The following COPB2 variants were observed in gnomAD, a reference collection of about 807,000 sequenced individuals.
COPB2 encodes the protein coat protein complex I subunit beta 2, also known as coatomer subunit beta'.
Under a neutral mutation model 120.8 loss-of-function variants are expected in COPB2, and 16 were observed. The ratio of observed to expected loss-of-function variants is 0.13; its 90% confidence interval spans 0.09 to 0.20. The LOEUF (loss-of-function observed/expected upper bound fraction) is 0.20. Ranked by LOEUF, COPB2 falls within the 10% of genes least tolerant of loss-of-function variation. The pLI, the probability that COPB2 is intolerant of heterozygous loss-of-function variation, is 1.00. For missense variants in COPB2, 794 were observed against 1,076.5 expected (o/e 0.74, Z 3.67); for synonymous variants, 332 against 366.3 (o/e 0.91, Z 1.07).
At position 139,389,606 on chromosome 3, in the gene COPB2, G is replaced by C; in HGVS notation, c.-56C>G. The C allele has an allele frequency of 6.6e-7, 1 of 1,519,872 alleles. No homozygotes were observed. The allele number at this position is 1,519,872 out of a possible 1,614,324, so 94.1% of individuals were successfully genotyped here. A position where few individuals can be genotyped will look rare whatever the true frequency, so the allele number is the denominator to read the frequency against. ...GTTTGTTACCGGCTACTCAGGCCTT[G>C]AGATAAACCCACCGATCCACTGACC... On this transcript the variant is annotated 5_prime_UTR_variant, in exon 1 of 22. Coordinates refer to ENST00000333188, the MANE Select transcript of COPB2 (RefSeq NM_004766.3).
At chr3:139,371,313 C>A (rs1372525006) in intron 10 of COPB2, among the ~76,000 whole-genome samples, 3 of 152,140 alleles carry the variant, frequency 2.0e-5, no homozygotes, top group African/African-American at 7.2e-5. Context: ...GATCAAACCA[C>A]AACATCACTC....
At position 139,368,180 on chromosome 3, in the gene COPB2, C is replaced by T; in HGVS notation, c.1510G>A (p.Gly504Arg). 1 of 1,613,748 alleles carries T rather than the reference C, an allele frequency of 6.2e-7. No individual in the cohort carries two copies. The highest frequency in any genetic ancestry group is 8.5e-7 in the Non-Finnish European group (1 of 1,179,838). Residue 504 changes from glycine to arginine, a missense_variant, in exon 13 of 22, where the codon GGA (glycine) becomes AGA (arginine). By Grantham distance (125) the Gly-to-Arg change is moderately radical (BLOSUM62 -2). Coordinates refer to ENST00000333188, the MANE Select transcript of COPB2 (RefSeq NM_004766.3). ...KVLAAQETHE[G>R]VTEDGIEDAF... ...TCTTCAATGCCATCTTCAGTAACTC[C>T]CTCATGTGTTTCCTGTGCAGCCAAG...
At chr3:139,369,194 G>T in intron 12 of COPB2, 67 bp downstream of exon 12, 1 of 1,252,434 alleles carries the variant, frequency 8.0e-7, no homozygotes. Flanking sequence ...ACACTTCTTG[G>T]CCTTAGGGAC....
chr3:139,385,520 T>G (rs1019168767), intron 1 of COPB2: 1 of 152,186 alleles, frequency 6.6e-6, no homozygotes, highest in African/African-American at 2.4e-5. Flanking sequence ...GGTAACATAA[T>G]GTGTGATCAA....
At chr3:139,366,405 G>A (rs1941515748) in intron 15 of COPB2, among the ~76,000 whole-genome samples, 163 bp downstream of exon 15, 2 of 152,132 alleles carry the variant, frequency 1.3e-5, no homozygotes, top group East Asian at 1.9e-4. Flanking sequence ...AGTGTAAGAA[G>A]GGTGTATCAT....
chr3:139,383,674 T>C (rs1473152970), intron 1 of COPB2, among the ~76,000 whole-genome samples: 1 of 152,198 alleles, frequency 6.6e-6, no homozygotes, highest in East Asian at 1.9e-4. Context: ...AGGATTCCTT[T>C]ATAGTCCTTA....
intron 2 of COPB2, chr3:139,380,529 CTTTG>C (rs991250623): frequency 6.6e-6 from 1 of 152,190 alleles, no homozygotes; most frequent in African/African-American, 2.4e-5. Context: ...CATGGTACCT[CTTTG>C]TTCTCCTTCT....
intron 15 of COPB2, among the ~76,000 whole-genome samples, chr3:139,363,325 C>G (rs73866099): frequency 3.9e-5 from 6 of 152,122 alleles, no homozygotes; most frequent in African/African-American, 7.2e-5. Context: ...GCCTAAACTC[C>G]GCCTGTAACG....
chr3:139,359,209 A>T, intron 18 of COPB2, 31 bp from the exon 19 acceptor site: 1 of 1,610,984 alleles, frequency 6.2e-7, no homozygotes, highest in African/African-American at 1.3e-5. Context: ...CCAAAGAGAG[A>T]CTAAGTAAAT....
chr3:139,375,568 T>C lies in COPB2; in HGVS notation c.551A>G (p.His184Arg). The C allele has an allele frequency of 1.9e-6, 3 of 1,614,134 alleles. No homozygotes were observed. The highest frequency in any genetic ancestry group is 2.5e-6 in the Non-Finnish European group (3 of 1,179,978). The change falls in exon 6 of 22, where the codon CAT becomes CGT. Residue 184 changes from histidine (H) to arginine (R), a missense_variant. Around this residue, in one of 3 missense-constraint regions of COPB2, gnomAD observed 610 missense variants for 866.7 expected, o/e 0.70. Transcript: ENST00000333188. ...SSSPNFTLEG[H>R]EKGVNCIDYY... The stretch of plus-strand genomic sequence containing the variant: ...ATCAATGCAATTCACGCCTTTCTCA[T>C]GTCCTTCCAAAGTGAAGTTTGGTGA...
At chr3:139,372,184 G>A (rs1451210668) in intron 9 of COPB2, among the ~76,000 whole-genome samples, 1 of 152,212 alleles carries the variant, frequency 6.6e-6, no homozygotes, top group East Asian at 1.9e-4. Flanking sequence ...GCACCAAGAT[G>A]CCTAGAACTT....
intron 7 of COPB2, 45 bp downstream of exon 7, chr3:139,374,444 C>A: frequency 6.7e-7 from 1 of 1,485,512 alleles, no homozygotes; most frequent in Admixed American, 1.7e-5. Flanking sequence ...TAAATGCCCA[C>A]TGAGTAGTTA....
rs80170556 is a variant in COPB2, at chr3:139,388,077, G to C, written c.3+1471C>G. 1.3e-4 allele frequency among the ~76,000 whole-genome samples: 20 copies of C among 152,280 alleles called. No homozygotes were observed. In the East Asian group the frequency reaches 3.7e-3, roughly 28 times the overall value. ...AGAATGAAGGCAATATTTCATTATA[G>C]AAATACACTGGTAAATGTAAAGACG... On this transcript the variant is annotated intron_variant, in intron 1 of 21. Coordinates refer to ENST00000333188, the MANE Select transcript of COPB2 (RefSeq NM_004766.3).
intron 20 of COPB2, 147 bp downstream of exon 20, chr3:139,358,597 C>T (rs368102942): frequency 1.1e-5 from 7 of 635,084 alleles, no homozygotes; most frequent in Admixed American, 5.6e-5. Context: ...AGGAGAATGG[C>T]GTGAACCCGG....
Position 139,369,469 on chromosome 3 carries a change from A to T in COPB2, c.1281T>A (p.Asp427Glu), listed in dbSNP as rs1325493180. The change falls in exon 11 of 22, where the codon GAT becomes GAA. Residue 427 changes from aspartate (D) to glutamate (E), a missense_variant. Physicochemically the swap from Asp to Glu is conservative, Grantham distance 45. This residue lies in a region of COPB2 where 610 missense variants were observed against 866.7 expected (regional missense o/e 0.70). Transcript: ENST00000333188. ...NFKEKKSFKP[D>E]FGAESIYGGF... ...GATCACACTCACTTTCTGCTCCAAA[A>T]TCTGGTTTAAATGATTTTTTTTCCT... is the stretch of plus-strand genomic sequence containing the variant. 1 of 1,611,680 alleles carries T rather than the reference A, an allele frequency of 6.2e-7. No individual in the cohort carries two copies. Among genetic ancestry groups the T allele is most frequent in the South Asian group, 1.1e-5 (1 of 90,522 alleles).
chr3:139,379,138 A>T lies in COPB2; in HGVS notation c.264T>A (p.Thr88=). ...CTTCAAACATATGAACTCTCTCCAGAGTATTGTAATTGAACACTCTAATCT... is the reference window on the plus strand; with the variant it reads ...CTTCAAACATATGAACTCTCTCCAGTGTATTGTAATTGAACACTCTAATCT... The part of the protein sequence containing the change: ...DMQIRVFNYN[T]LERVHMFEAH... The change falls in exon 4 of 22, where the codon ACT becomes ACA. Residue 88 remains threonine (T), a synonymous_variant. Coordinates refer to ENST00000333188, the MANE Select transcript of COPB2 (RefSeq NM_004766.3). 1 of 1,610,844 alleles carries T rather than the reference A, an allele frequency of 6.2e-7. No homozygotes were observed. The highest frequency in any genetic ancestry group is 1.1e-5 in the South Asian group (1 of 90,092).
chr3:139,383,471 C>A, intron 1 of COPB2, 36 bp from the exon 2 acceptor site: 1 of 1,488,944 alleles, frequency 6.7e-7, no homozygotes, highest in South Asian at 1.4e-5. Context: ...AATTGCTAAG[C>A]CAAATAAAAT....
chr3:139,384,874 T>C (rs956184654), intron 1 of COPB2: 3 of 152,228 alleles, frequency 2.0e-5, no homozygotes, highest in Non-Finnish European at 2.9e-5. Context: ...AAGGTGCCAA[T>C]AGCGTCTCAC....
intron 15 of COPB2, among the ~76,000 whole-genome samples, chr3:139,365,731 C>A (rs945070121): frequency 6.6e-6 from 1 of 151,922 alleles, no homozygotes; most frequent in African/African-American, 2.4e-5. Context: ...GGAGAATTAA[C>A]CACAGGTACA....
Sources: allele counts gnomAD v4.1 joint callset (sites outside exome capture counted in the v4.1 genomes callset), GRCh38; gene constraint gnomAD v4.1.1; regional missense constraint gnomAD v4.1.1; transcripts MANE v1.5; gene names NCBI Gene and HGNC (gene_info 2026-07-23, HGNC 2026-07-21).